Variants in TNN observed in about 807,000 individuals in gnomAD.
The protein encoded by TNN is tenascin-N.
TNN carries 122 observed loss-of-function variants against 134.4 expected under a neutral mutation model. That is an observed-to-expected ratio of 0.91 (90% confidence interval 0.78 to 1.06). TNN has a LOEUF of 1.06. Among genes scored for constraint, TNN ranks in the 50% least tolerant of loss-of-function variants. TNN has a pLI of 0.00. For missense variants in TNN, 1,739 were observed against 1,699.4 expected (o/e 1.02, Z -0.41); for synonymous variants, 710 against 670.3 (o/e 1.06, Z -0.91).
chr1:175,117,547 G>C (rs550444012), intron 10 of TNN, among the ~76,000 whole-genome samples: 162 of 152,262 alleles, frequency 1.1e-3, no homozygotes, highest in Non-Finnish European at 1.7e-3. Context: ...AATAATAATA[G>C]TATATTGAAA....
At chr1:175,087,497 T>C (rs1222467354) in intron 6 of TNN, among the ~76,000 whole-genome samples, 1 of 152,234 alleles carries the variant, frequency 6.6e-6, no homozygotes, top group Admixed American at 6.5e-5. Flanking sequence ...CAGAGTGAAT[T>C]GGGGTCCCGA....
intron 1 of TNN, among the ~76,000 whole-genome samples, chr1:175,074,624 G>C (rs1429005155): frequency 6.6e-6 from 1 of 152,122 alleles, no homozygotes; most frequent in Non-Finnish European, 1.5e-5. Flanking sequence ...AATGCAGTCA[G>C]TTCTCAGAAG....
chr1:175,115,342 A>G (rs1022736136), intron 9 of TNN, among the ~76,000 whole-genome samples: 4 of 151,672 alleles, frequency 2.6e-5, no homozygotes, highest in African/African-American at 4.8e-5. Flanking sequence ...AGGAGCTGAA[A>G]CTAGTGCAGT....
At chr1:175,083,249 T>C (rs1674241081) in intron 4 of TNN, among the ~76,000 whole-genome samples, 1 of 152,180 alleles carries the variant, frequency 6.6e-6, no homozygotes, top group African/African-American at 2.4e-5. Flanking sequence ...ATTTGGGAGA[T>C]GGAGGAAGGA....
intron 17 of TNN, 84 bp downstream of exon 17, chr1:175,137,072 G>A (rs1043545000): frequency 2.6e-5 from 36 of 1,401,982 alleles, no homozygotes; most frequent in Admixed American, 5.5e-5. Flanking sequence ...CTGATCTGGG[G>A]GATGGAATAT....
chr1:175,087,822 ATCAG>A (rs1674353071), intron 6 of TNN, among the ~76,000 whole-genome samples: 2 of 152,248 alleles, frequency 1.3e-5, no homozygotes, highest in African/African-American at 4.8e-5. Context: ...CTTCTGACCA[ATCAG>A]CTAGAAATTG....
intron 15 of TNN, among the ~76,000 whole-genome samples, chr1:175,129,719 G>A (rs1310657047): frequency 1.3e-5 from 2 of 152,038 alleles, no homozygotes; most frequent in Admixed American, 6.6e-5. Flanking sequence ...GAATGACAAA[G>A]CTGGGACCAG....
chr1:175,084,371 T>C (rs1267046294), intron 5 of TNN, among the ~76,000 whole-genome samples: 1 of 149,634 alleles, frequency 6.7e-6, no homozygotes, highest in Non-Finnish European at 1.5e-5. Context: ...TGTTGGGGGA[T>C]GTGGAGGGGG....
chr1:175,109,362 A>C (rs976997842), intron 9 of TNN, among the ~76,000 whole-genome samples: 3 of 151,606 alleles, frequency 2.0e-5, no homozygotes, highest in African/African-American at 7.3e-5. Context: ...TGCTGGGATT[A>C]CAGGCGTGAG....
intron 18 of TNN, 36 bp from the exon 19 acceptor site, chr1:175,146,895 C>T (rs1676082402): frequency 2.0e-6 from 3 of 1,493,782 alleles, no homozygotes; most frequent in African/African-American, 2.9e-5. Context: ...TCCTAAGAGC[C>T]TCTTCTTGAT....
chr1:175,079,597 C>T lies in TNN; in HGVS notation c.674C>T (p.Ser225Leu), dbSNP rs1470425245. 6.3e-6 allele frequency: 10 copies of T among 1,594,458 alleles called. No homozygotes were observed. The highest frequency in any genetic ancestry group is 8.5e-6 in the Non-Finnish European group (10 of 1,171,974). Residue 225 changes from serine to leucine, a missense_variant, in exon 3 of 19, where the codon TCG becomes TTG. Physicochemically the swap from Ser to Leu is moderately radical, Grantham distance 145. Coordinates refer to ENST00000239462, the MANE Select transcript of TNN (RefSeq NM_022093.2). ...TGCCAGTGCCACGAAGACTTCATGT[C>T]GGAGGACTGCAGCGAGAAGCGCTGT... ...GVCQCHEDFM[S>L]EDCSEKRCPG... is the part of the protein sequence containing the mutation.
chr1:175,134,955 A>G (rs563761036), intron 15 of TNN, among the ~76,000 whole-genome samples: 36 of 152,128 alleles, frequency 2.4e-4, no homozygotes, highest in Non-Finnish European at 3.8e-4. Context: ...ACCTGGACCA[A>G]CGTCTTCAAC....
In TNN at chr1:175,128,700, C is replaced by G. The variant is rs780500662; in HGVS notation, c.3284C>G (p.Pro1095Arg). 1 of 1,613,978 alleles carries G rather than the reference C, an allele frequency of 6.2e-7. No individual in the cohort carries two copies. The highest frequency in any genetic ancestry group is 2.2e-5 in the East Asian group (1 of 44,866). Residue 1095 changes from proline (P) to arginine (R), a missense_variant, in exon 15 of 19, where the codon CCC (proline) becomes CGC (arginine). By Grantham distance (103) the Pro-to-Arg change is moderately radical. Transcript: ENST00000239462. Reference sequence around the variant, plus strand: ...TACCTGCATGGCGATGCCAGCCGGCCCCTGCAGGTGTACTGTGACATGGAA... The same window carrying G: ...TACCTGCATGGCGATGCCAGCCGGCGCCTGCAGGTGTACTGTGACATGGAA... ...TIYLHGDASRPLQVYCDMETD... is the reference protein window; with the variant it reads ...TIYLHGDASRRLQVYCDMETD...
rs752981156 is a variant in TNN, at chr1:175,128,048, G to A, written c.3062G>A (p.Arg1021Gln). 82 of 1,614,060 alleles carry A rather than the reference G, an allele frequency of 5.1e-5. No homozygotes were observed. The highest frequency in any genetic ancestry group is 6.3e-5 in the Non-Finnish European group (74 of 1,180,028). ...GTTTGGTAGGAGATGCAGCTGGGAC[G>A]GGAAGACCAGAGGTTTGCGTTGCAA... Reference protein sequence around the residue: ...DGTVKEMQLGREDQRFALQGL... With the variant: ...DGTVKEMQLGQEDQRFALQGL... Residue 1021 changes from arginine to glutamine, a missense_variant, in exon 14 of 19, where the codon CGG becomes CAG. Transcript: ENST00000239462.
intron 1 of TNN, among the ~76,000 whole-genome samples, chr1:175,074,318 AC>A (rs1399026156): frequency 2.0e-5 from 3 of 152,156 alleles, no homozygotes; most frequent in African/African-American, 4.8e-5. Context: ...CCCCATCTCC[AC>A]AAAAAAAATA....
chr1:175,088,229 TC>T (rs1294134548), intron 6 of TNN, among the ~76,000 whole-genome samples: 1 of 152,070 alleles, frequency 6.6e-6, no homozygotes, highest in East Asian at 1.9e-4. Flanking sequence ...GTTCCAATCC[TC>T]TAATCACAAT....
rs1558356641 is a variant in TNN at position 175,098,540 on chromosome 1, G to A, written c.2064G>A (p.Val688=). ...CGGGTATGGAGTACATGGTGCACGT[G>A]TGGGCCCAGAAGGGGGACCAGGAGA... ...LRPGMEYMVH[V]WAQKGDQESK... The change falls in exon 9 of 19, where the codon GTG becomes GTA. Residue 688 remains valine (V), a synonymous_variant. Coordinates refer to ENST00000239462, the MANE Select transcript of TNN (RefSeq NM_022093.2). The A allele has an allele frequency of 1.9e-6, 3 of 1,614,112 alleles. No homozygotes were observed. Among genetic ancestry groups the A allele is most frequent in the Non-Finnish European group, 2.5e-6 (3 of 1,180,008 alleles).
At chr1:175,143,357 G>A (rs940565410) in intron 17 of TNN, among the ~76,000 whole-genome samples, 2 of 152,144 alleles carry the variant, frequency 1.3e-5, no homozygotes, top group Admixed American at 1.3e-4. Context: ...CCTTTTATGA[G>A]CAGAAAAAGA....
chr1:175,083,897 C>G lies in TNN; in HGVS notation c.1196C>G (p.Pro399Arg). The G allele has an allele frequency of 6.2e-7, 1 of 1,614,066 alleles. No individual in the cohort carries two copies. Among genetic ancestry groups the G allele is most frequent in the Non-Finnish European group, 8.5e-7 (1 of 1,180,008 alleles). Residue 399 changes from proline to arginine, a missense_variant, in exon 5 of 19, where the codon CCC becomes CGC. Coordinates refer to ENST00000239462, the MANE Select transcript of TNN (RefSeq NM_022093.2). ...CAGGAGGTAGCTGAGGTCACTGTGC[C>G]CAAGAGCAGTGACCCCAAGAGCCGA... Reference protein sequence around the residue: ...TGQEVAEVTVPKSSDPKSRYD... With the variant: ...TGQEVAEVTVRKSSDPKSRYD...
Sources: gnomAD v4.1 joint callset for allele counts (sites outside exome capture counted in the v4.1 genomes callset) on GRCh38, gnomAD v4.1.1 for gene constraint, MANE v1.5 for transcripts, NCBI Gene and HGNC (gene_info 2026-07-23, HGNC 2026-07-21) for gene names.